CPA6: variants seen among roughly 807,000 people sequenced by gnomAD.
CPA6 encodes carboxypeptidase A6.
CPA6 carries 58 observed loss-of-function variants against 63.3 expected under a neutral mutation model. The observed-to-expected ratio is 0.92, with a 90% confidence interval of 0.74 to 1.14. CPA6 has a LOEUF of 1.14. Among genes scored for constraint, CPA6 ranks in the 50% most tolerant of loss-of-function variants. The pLI is 0.00. For missense variants in CPA6, 565 were observed against 526.6 expected, an observed-to-expected ratio of 1.07 and a Z score of -0.71; for synonymous variants, 185 against 179.0, an observed-to-expected ratio of 1.03 and a Z score of -0.27.
At chr8:67,615,737 G>T (rs1814928319) in intron 2 of CPA6, among the ~76,000 whole-genome samples, 1 of 152,154 alleles carries the variant, frequency 6.6e-6, no homozygotes, top group Admixed American at 6.5e-5. Context: ...AGCCTACTGG[G>T]GATGGGTGAA....
At chr8:67,495,912 A>T (rs1167712193) in intron 6 of CPA6, among the ~76,000 whole-genome samples, 1 of 152,080 alleles carries the variant, frequency 6.6e-6, no homozygotes, top group Non-Finnish European at 1.5e-5. Context: ...GGCTTACTAT[A>T]ATTTTTCAAG....
intron 1 of CPA6, among the ~76,000 whole-genome samples, chr8:67,683,618 T>C (rs1245845685): frequency 1.3e-5 from 2 of 152,168 alleles, no homozygotes; most frequent in African/African-American, 4.8e-5. Context: ...ATCAATGTTA[T>C]TTGTCTATTG....
intron 2 of CPA6, among the ~76,000 whole-genome samples, chr8:67,554,942 T>G (rs1813026738): frequency 1.3e-5 from 2 of 152,184 alleles, no homozygotes; most frequent in Non-Finnish European, 2.9e-5. Flanking sequence ...CAGTCACACC[T>G]GGGGCAGTCC....
chr8:67,443,797 T>TA (rs1810349005), intron 8 of CPA6, among the ~76,000 whole-genome samples: 1 of 152,134 alleles, frequency 6.6e-6, no homozygotes, highest in Non-Finnish European at 1.5e-5. Flanking sequence ...AAGACACAAT[T>TA]ACAACAATCT....
Position 67,706,757 on chromosome 8 carries a change from G to A in CPA6, c.116+39257C>T, listed in dbSNP as rs77371479. 7.0e-3 allele frequency among the ~76,000 whole-genome samples: 1,071 copies of A among 152,050 alleles called. 14 individuals carry two copies. Among genetic ancestry groups the A allele is most frequent in the African/African-American group, 0.025 (1,018 of 41,468 alleles). On this transcript the variant is annotated intron_variant, in intron 1 of 10. Transcript: ENST00000297770. ...ACTCTTTAATGAAAAATTGTAAAGG[G>A]TTATAAAAGGTTTATGAAAATCTTA... is the stretch of plus-strand genomic sequence containing the variant.
At chr8:67,509,239 T>G (rs1273033488) in intron 5 of CPA6, among the ~76,000 whole-genome samples, 1 of 152,114 alleles carries the variant, frequency 6.6e-6, no homozygotes, top group African/African-American at 2.4e-5. Context: ...TCTTATACAT[T>G]TAAATAGTTT....
intron 3 of CPA6, 73 bp from the exon 4 acceptor site, chr8:67,511,728 A>C (rs1812047326): frequency 1.2e-6 from 1 of 803,752 alleles, no homozygotes; most frequent in African/African-American, 1.7e-5. Context: ...CCCAGAAAAA[A>C]TCATATGCAT....
chr8:67,702,316 C>A (rs575272656), intron 1 of CPA6, among the ~76,000 whole-genome samples: 1 of 152,050 alleles, frequency 6.6e-6, no homozygotes, highest in Non-Finnish European at 1.5e-5. Flanking sequence ...GGAGATAATA[C>A]CCTTGTAGTC....
intron 2 of CPA6, among the ~76,000 whole-genome samples, chr8:67,600,927 C>A (rs1814478999): frequency 6.6e-6 from 1 of 152,136 alleles, no homozygotes; most frequent in South Asian, 2.1e-4. Context: ...TGAATAAGGT[C>A]TAATACTTCA....
At chr8:67,688,125 C>T (rs542466168) in intron 1 of CPA6, among the ~76,000 whole-genome samples, 16 of 152,248 alleles carry the variant, frequency 1.1e-4, no homozygotes, top group Middle Eastern at 3.4e-3. Flanking sequence ...GATCACATCA[C>T]TGAACTTCAC....
chr8:67,722,842 C>T (rs1043573020), intron 1 of CPA6, among the ~76,000 whole-genome samples: 3 of 151,882 alleles, frequency 2.0e-5, no homozygotes, highest in African/African-American at 4.8e-5. Context: ...TTATGAAATA[C>T]ATCACTATGT....
chr8:67,534,157 C>A (rs1812534589), intron 2 of CPA6, among the ~76,000 whole-genome samples: 1 of 152,178 alleles, frequency 6.6e-6, no homozygotes, highest in Admixed American at 6.5e-5. Context: ...GAGTGAAGGT[C>A]CTGCCAGGCT....
chr8:67,475,989 C>T (rs1274883568), intron 8 of CPA6, among the ~76,000 whole-genome samples: 1 of 122,718 alleles, frequency 8.1e-6, no homozygotes, highest in Non-Finnish European at 1.6e-5. Context: ...TTTCTCTCCC[C>T]TTCCTTCCTT....
chr8:67,681,200 C>CTGTTTTTTTTTTTTTTT, intron 1 of CPA6, among the ~76,000 whole-genome samples: 1 of 89,880 alleles, frequency 1.1e-5, no homozygotes, highest in African/African-American at 6.2e-5. Context: ...CAAAGATTTT[C>CTGTTTTTTTTTTTTTTT]TTTTTTTTTT....
chr8:67,456,903 A>T (rs1472585224), intron 8 of CPA6, among the ~76,000 whole-genome samples: 1 of 152,230 alleles, frequency 6.6e-6, no homozygotes, highest in African/African-American at 2.4e-5. Context: ...GAGAGACAAG[A>T]TGGTACGCCA....
At chr8:67,744,114 C>A (rs912605177) in intron 1 of CPA6, among the ~76,000 whole-genome samples, 1 of 152,126 alleles carries the variant, frequency 6.6e-6, no homozygotes, top group East Asian at 1.9e-4. Flanking sequence ...CTGTCTTTTG[C>A]GATGAGAAAA....
At chr8:67,604,731 CGT>C (rs1328443043) in intron 2 of CPA6, among the ~76,000 whole-genome samples, 2 of 152,068 alleles carry the variant, frequency 1.3e-5, no homozygotes, top group African/African-American at 4.8e-5. Flanking sequence ...ACATAGGACA[CGT>C]GGAGATTAGA....
chr8:67,564,240 G>T (rs151042465), intron 2 of CPA6, among the ~76,000 whole-genome samples: 2,742 of 152,198 alleles, frequency 0.018, 53 homozygotes, highest in Non-Finnish European at 0.03. Flanking sequence ...TAGGATTAAA[G>T]TTTGCCATTT....
At chr8:67,538,003 G>A (rs950684050) in intron 2 of CPA6, among the ~76,000 whole-genome samples, 2 of 152,200 alleles carry the variant, frequency 1.3e-5, no homozygotes, top group African/African-American at 4.8e-5. Flanking sequence ...TTTTGAGTGA[G>A]TTTCTTAATC....
Sources: allele counts gnomAD v4.1 joint callset (sites outside exome capture counted in the v4.1 genomes callset), GRCh38; gene constraint gnomAD v4.1.1; transcripts MANE v1.5; gene names NCBI Gene and HGNC (gene_info 2026-07-23, HGNC 2026-07-21).